Variants in KAZN observed in about 807,000 individuals in gnomAD.
KAZN encodes the protein kazrin, periplakin interacting protein.
In KAZN, 40 loss-of-function variants were observed where a neutral mutation model predicts 87.4. The observed-to-expected ratio is 0.46, with a 90% confidence interval of 0.36 to 0.60. KAZN has a LOEUF of 0.60. Among genes scored for constraint, KAZN ranks in the 20% least tolerant of loss-of-function variants. KAZN has a pLI of 0.00. For synonymous variants in KAZN, 466 were observed against 458.3 expected (o/e 1.02, Z -0.22); for missense variants, 898 against 1,073.9 (o/e 0.84, Z 2.29).
At chr1:15,073,792 G>C (rs778579397) in intron 8 of KAZN, among the ~76,000 whole-genome samples, 1 of 152,192 alleles carries the variant, frequency 6.6e-6, no homozygotes, top group Non-Finnish European at 1.5e-5. Flanking sequence ...ACTTCTGTCC[G>C]GTGGACCTGC....
At chr1:14,077,028 C>T (rs1419289508) in intron 1 of KAZN, among the ~76,000 whole-genome samples, 2 of 152,152 alleles carry the variant, frequency 1.3e-5, no homozygotes, top group Non-Finnish European at 2.9e-5. Context: ...TCCCCGTTCT[C>T]AGCCCTAATT....
intron 2 of KAZN, among the ~76,000 whole-genome samples, chr1:14,434,029 A>G (rs925548489): frequency 1.3e-5 from 2 of 152,022 alleles, no homozygotes; most frequent in African/African-American, 4.8e-5. Context: ...TGGATTTTCA[A>G]CCTCCAGAAC....
chr1:14,340,887 C>CTTTTTTTTTT (rs1557650364), intron 2 of KAZN, among the ~76,000 whole-genome samples: 3 of 45,124 alleles, frequency 6.6e-5, no homozygotes, highest in African/African-American at 3.6e-4. Flanking sequence ...CATGATTTTC[C>CTTTTTTTTTT]CTTTTTTTTT....
chr1:14,571,848 G>A (rs949350784), intron 2 of KAZN, among the ~76,000 whole-genome samples: 2 of 152,146 alleles, frequency 1.3e-5, no homozygotes, highest in Non-Finnish European at 2.9e-5. Flanking sequence ...GGAGAGGCAG[G>A]GCTTGCATTG....
intron 2 of KAZN, among the ~76,000 whole-genome samples, chr1:14,534,683 C>T (rs949000668): frequency 4.6e-5 from 7 of 152,204 alleles, no homozygotes; most frequent in African/African-American, 1.7e-4. Flanking sequence ...TAGCACTGTT[C>T]AAGGCTCAAA....
intron 8 of KAZN, among the ~76,000 whole-genome samples, chr1:15,087,432 G>T (rs115508798): frequency 1.4e-5 from 2 of 141,778 alleles, no homozygotes; most frequent in African/African-American, 2.7e-5. Flanking sequence ...TTACTCTTTC[G>T]CCCAGGCAGG....
At chr1:14,653,413 C>T (rs1006963762) in intron 1 of KAZN, among the ~76,000 whole-genome samples, 8 of 152,156 alleles carry the variant, frequency 5.3e-5, no homozygotes, top group African/African-American at 1.2e-4. Flanking sequence ...CCGTGGGAGA[C>T]AATGGGGTCC....
intron 2 of KAZN, among the ~76,000 whole-genome samples, chr1:14,436,715 C>T (rs1557720665): frequency 3.7e-5 from 1 of 26,886 alleles, no homozygotes; most frequent in South Asian, 9.3e-4. Context: ...GAGACTCTGT[C>T]TCAAAAAAAA....
At chr1:14,123,571 A>AT (rs147922344) in intron 1 of KAZN, among the ~76,000 whole-genome samples, 9,967 of 152,276 alleles carry the variant, frequency 0.065, 453 homozygotes, top group Middle Eastern at 0.12. Context: ...AGAGGCAAGG[A>AT]TGGAAAGGTG....
intron 2 of KAZN, among the ~76,000 whole-genome samples, chr1:14,582,129 C>T (rs1675594321): frequency 6.7e-6 from 1 of 150,152 alleles, no homozygotes; most frequent in South Asian, 2.1e-4. Context: ...CAGATCACAA[C>T]ATCCCTATTT....
chr1:14,985,272 G>T (rs1465568154), intron 2 of KAZN, among the ~76,000 whole-genome samples: 2 of 145,484 alleles, frequency 1.4e-5, no homozygotes, highest in African/African-American at 5.1e-5. Flanking sequence ...GGGAGGCCAA[G>T]GTGGGAGGCC....
rs76831643 is a variant in KAZN, at chr1:14,546,290, T to A, written c.250-52693T>A. ...AATGCAACATTTCAGTCGGGTTGTA[T>A]GACAGATGGAGAGAAAAGCTTCCAG... is the stretch of plus-strand genomic sequence containing the variant. On this transcript the variant is annotated intron_variant, in intron 2 of 16. Coordinates refer to the KAZN transcript ENST00000636203. 4.0e-3 allele frequency among the ~76,000 whole-genome samples: 616 copies of A among 152,352 alleles called. 2 individuals are homozygous for A. The highest frequency in any genetic ancestry group is 5.7e-3 in the Non-Finnish European group (388 of 68,032).
intron 3 of KAZN, among the ~76,000 whole-genome samples, chr1:15,038,270 G>GA (rs140376078): frequency 0.074 from 10,956 of 147,554 alleles, 479 homozygotes; most frequent in African/African-American, 0.11. Context: ...AGAAAAGAAA[G>GA]AAAAAAAAAA....
chr1:14,917,575 A>T (rs1202903458), intron 1 of KAZN, among the ~76,000 whole-genome samples: 1 of 152,208 alleles, frequency 6.6e-6, no homozygotes, highest in East Asian at 1.9e-4. Context: ...TGTGTGCCTC[A>T]TCTCCTGAAG....
At chr1:14,411,551 T>A (rs1448094765) in intron 2 of KAZN, among the ~76,000 whole-genome samples, 34 of 152,200 alleles carry the variant, frequency 2.2e-4, no homozygotes, top group Admixed American at 2.2e-3. Context: ...CTGCCTGCCT[T>A]GGCCTCCCAA....
At chr1:14,314,330 A>T (rs1381642614) in intron 2 of KAZN, among the ~76,000 whole-genome samples, 1 of 152,182 alleles carries the variant, frequency 6.6e-6, no homozygotes, top group Non-Finnish European at 1.5e-5. Context: ...AAAGCTGTTC[A>T]AATTTAAAAC....
intron 2 of KAZN, among the ~76,000 whole-genome samples, chr1:14,365,200 T>C (rs893040418): frequency 2.6e-5 from 4 of 152,162 alleles, no homozygotes; most frequent in Admixed American, 6.5e-5. Flanking sequence ...CCCGCCACCA[T>C]GCCTGGCTAA....
intron 1 of KAZN, among the ~76,000 whole-genome samples, chr1:14,080,670 T>C (rs1411176407): frequency 2.0e-5 from 3 of 152,238 alleles, no homozygotes; most frequent in Admixed American, 2.0e-4. Flanking sequence ...CGGTTGATGC[T>C]GGCGTGAGCG....
At chr1:14,839,002 C>T (rs1215884592) in intron 1 of KAZN, among the ~76,000 whole-genome samples, 1 of 152,158 alleles carries the variant, frequency 6.6e-6, no homozygotes, top group South Asian at 2.1e-4. Flanking sequence ...AGCCCATGCC[C>T]CCATAATCAA....
Sources: allele counts gnomAD v4.1 joint callset (sites outside exome capture counted in the v4.1 genomes callset), GRCh38; gene constraint gnomAD v4.1.1; transcripts MANE v1.5; gene names NCBI Gene and HGNC (gene_info 2026-07-23, HGNC 2026-07-21).